The following ZFP1 variants were observed in gnomAD, a reference collection of about 807,000 sequenced individuals.
ZFP1 encodes the protein zinc finger protein 1 homolog.
ZFP1 carries 32 observed loss-of-function variants against 38.5 expected under a neutral mutation model. That is an observed-to-expected ratio of 0.83 (90% CI 0.63 to 1.12). ZFP1 has a LOEUF of 1.12. Ranked by LOEUF, ZFP1 falls within the 50% of genes most tolerant of loss-of-function variation. ZFP1 has a pLI of 0.00. For synonymous variants in ZFP1, 245 were observed against 168.8 expected (o/e 1.45, Z -3.50); for missense variants, 616 against 480.8 (o/e 1.28, Z -2.63).
At chr16:75,130,070 C>T in the ZFP1 span, among the ~76,000 whole-genome samples, 16 of 152,224 alleles carry the variant, frequency 1.1e-4, no homozygotes, top group South Asian at 2.1e-4. Context: ...AAGCTCGGCT[C>T]ACTGCAACCT....
intron 1 of ZFP1, chr16:75,148,896 G>A (rs1290492398): frequency 2.0e-5 from 3 of 152,146 alleles, no homozygotes; most frequent in African/African-American, 7.2e-5. Flanking sequence ...TCTTCTCTTT[G>A]TCAGGAGATG....
the ZFP1 span, among the ~76,000 whole-genome samples, chr16:75,142,153 C>T: frequency 6.7e-6 from 1 of 149,072 alleles, no homozygotes; most frequent in East Asian, 2.0e-4. Context: ...GTCAAGAGAT[C>T]GACACCATCC....
rs1464409222 is a variant in ZFP1, at chr16:75,169,439, A to G, written c.329A>G (p.Glu110Gly). The G allele has an allele frequency of 6.2e-7, 1 of 1,612,822 alleles. No individual in the cohort carries two copies. The highest frequency in any genetic ancestry group is 8.5e-7 in the Non-Finnish European group (1 of 1,179,700). ...RQVPYKYDLYEKTLKYNSDLL... is the reference protein window; with the variant it reads ...RQVPYKYDLYGKTLKYNSDLL... ...GTACCTTATAAATATGACTTATATG[A>G]AAAAACTTTGAAATATAATTCAGAC... is the stretch of plus-strand genomic sequence containing the variant. The change falls in exon 4 of 4, where the codon GAA becomes GGA. Residue 110 changes from glutamate (E) to glycine (G), a missense_variant. Physicochemically the swap from Glu to Gly is moderately conservative, Grantham distance 98. Transcript: ENST00000570010.
chr16:75,125,934 C>T, the ZFP1 span, among the ~76,000 whole-genome samples: 3 of 150,742 alleles, frequency 2.0e-5, no homozygotes, highest in South Asian at 6.3e-4. Flanking sequence ...CCCAGTTACT[C>T]AGGAGGCTGA....
chr16:75,127,588 T>G, the ZFP1 span, among the ~76,000 whole-genome samples: 1 of 152,260 alleles, frequency 6.6e-6, no homozygotes, highest in East Asian at 1.9e-4. Flanking sequence ...CCCAAAGTGC[T>G]GAAATTATAG....
chr16:75,141,739 ATT>A, the ZFP1 span, among the ~76,000 whole-genome samples: 3 of 123,250 alleles, frequency 2.4e-5, no homozygotes, highest in African/African-American at 1.1e-4. Context: ...AAACAAATTA[ATT>A]TAAAAAAAAA....
At chr16:75,132,782 G>A in the ZFP1 span, among the ~76,000 whole-genome samples, 8 of 145,412 alleles carry the variant, frequency 5.5e-5, no homozygotes, top group Admixed American at 3.6e-4. Context: ...TCAGCCTCCT[G>A]TGTAGCTGGG....
chr16:75,146,500 C>T (rs1333609791), upstream of ZFP1, among the ~76,000 whole-genome samples: 1 of 152,082 alleles, frequency 6.6e-6, no homozygotes, highest in Non-Finnish European at 1.5e-5. Flanking sequence ...GAACTGGAAA[C>T]TTATATCCTC....
the ZFP1 span, among the ~76,000 whole-genome samples, chr16:75,141,403 C>A: frequency 6.6e-6 from 1 of 151,722 alleles, no homozygotes; most frequent in Admixed American, 6.6e-5. Flanking sequence ...GACGGGATTT[C>A]ATCGTGTTAG....
chr16:75,134,741 T>A, the ZFP1 span, among the ~76,000 whole-genome samples: 8,822 of 127,058 alleles, frequency 0.069, 885 homozygotes, highest in African/African-American at 0.24. Flanking sequence ...ACACAGCAAG[T>A]CTCCGCCTCA....
upstream of ZFP1, among the ~76,000 whole-genome samples, chr16:75,147,974 A>C (rs577353221): frequency 7.2e-5 from 11 of 152,314 alleles, no homozygotes; most frequent in Non-Finnish European, 1.5e-4. Context: ...ATTATGGTGA[A>C]TATTTCACAA....
intron 1 of ZFP1, among the ~76,000 whole-genome samples, chr16:75,150,995 C>G (rs1052679036): frequency 6.6e-6 from 1 of 152,008 alleles, no homozygotes; most frequent in Non-Finnish European, 1.5e-5. Flanking sequence ...GTAGCTAGGA[C>G]TCAAGGTGTG....
chr16:75,135,751 A>C, the ZFP1 span, among the ~76,000 whole-genome samples: 4 of 135,784 alleles, frequency 2.9e-5, no homozygotes, highest in Non-Finnish European at 6.7e-5. Flanking sequence ...CAAAACCTAT[A>C]GAACTTTACC....
At chr16:75,139,238 G>A in the ZFP1 span, among the ~76,000 whole-genome samples, 4 of 151,680 alleles carry the variant, frequency 2.6e-5, no homozygotes, top group Non-Finnish European at 5.9e-5. Context: ...GTGTGGTGGC[G>A]GGTGCCTGTA....
the ZFP1 span, among the ~76,000 whole-genome samples, chr16:75,136,531 C>T: frequency 2.6e-5 from 4 of 152,136 alleles, no homozygotes; most frequent in African/African-American, 9.7e-5. Flanking sequence ...AGTAACAACT[C>T]ATGTTTAACT....
the ZFP1 span, among the ~76,000 whole-genome samples, chr16:75,127,377 C>G: frequency 6.6e-6 from 1 of 151,410 alleles, no homozygotes; most frequent in East Asian, 1.9e-4. Context: ...GCCTGGGCGA[C>G]AGAGCAAGAC....
chr16:75,122,015 TGCTTGTGTAA>T, the ZFP1 span, among the ~76,000 whole-genome samples: 3,281 of 152,334 alleles, frequency 0.022, 143 homozygotes, highest in African/African-American at 0.075. Flanking sequence ...GAATGATCTT[TGCTTGTGTAA>T]GCTTGTTAGA....
At chr16:75,140,366 C>G in the ZFP1 span, among the ~76,000 whole-genome samples, 1 of 151,634 alleles carries the variant, frequency 6.6e-6, no homozygotes, top group Non-Finnish European at 1.5e-5. Context: ...CTCAGGAGTT[C>G]GAGACCAGCC....
chr16:75,145,591 G>C (rs1328261187), upstream of ZFP1, among the ~76,000 whole-genome samples: 1 of 152,196 alleles, frequency 6.6e-6, no homozygotes, highest in Non-Finnish European at 1.5e-5. Flanking sequence ...CAGAGGGGCA[G>C]AGGGGCAGAG....
Sources: allele counts gnomAD v4.1 joint callset (sites outside exome capture counted in the v4.1 genomes callset), GRCh38; gene constraint gnomAD v4.1.1; transcripts MANE v1.5; gene names NCBI Gene and HGNC (gene_info 2026-07-23, HGNC 2026-07-21).